WWTR1: variants seen among roughly 807,000 people sequenced by gnomAD.
WWTR1 encodes the protein WW domain containing transcription regulator 1.
A neutral mutation model predicts 40.1 loss-of-function variants in WWTR1; 13 were observed. The ratio of observed to expected loss-of-function variants is 0.32; its 90% confidence interval spans 0.21 to 0.52. The LOEUF (loss-of-function observed/expected upper bound fraction) is 0.52, where lower values mean the gene tolerates loss of function less well. Among genes scored for constraint, WWTR1 ranks in the 20% least tolerant of loss-of-function variants. The pLI is 0.97. For synonymous variants in WWTR1, 230 were observed against 210.1 expected, an observed-to-expected ratio of 1.09 and a Z score of -0.82; for missense variants, 436 against 523.1, an observed-to-expected ratio of 0.83 and a Z score of 1.63.
At chr3:149,632,857 A>G (rs539512058) in intron 2 of WWTR1, among the ~76,000 whole-genome samples, 7 of 152,314 alleles carry the variant, frequency 4.6e-5, no homozygotes, top group Admixed American at 3.9e-4. Context: ...AAACAAAGCT[A>G]CAGAGACATA....
Position 149,683,281 on chromosome 3 carries a change from A to C in WWTR1, c.-107-13390T>G, listed in dbSNP as rs373928686. On this transcript the variant is annotated intron_variant, in intron 1 of 7. Transcript: ENST00000465804. The stretch of plus-strand genomic sequence containing the variant: ...CATGGCTAGTAAATATTGAGGAATG[A>C]TATTAATGTATCCCTATTAGTGAGA... Among the ~76,000 whole-genome samples, 13 of 152,342 alleles carry C rather than the reference A, an allele frequency of 8.5e-5. No homozygotes were observed. The East Asian group carries it at 1.7e-3, about 20-fold the overall frequency.
intron 3 of WWTR1, among the ~76,000 whole-genome samples, chr3:149,546,238 G>A (rs1035204567): frequency 4.6e-5 from 7 of 152,206 alleles, no homozygotes; most frequent in Non-Finnish European, 1.0e-4. Flanking sequence ...CTGGAAAAGG[G>A]TGGAACTTAG....
rs1576588937 is a variant in WWTR1 at position 149,600,201 on chromosome 3, T to C, written c.432-27201A>G. Among the ~76,000 whole-genome samples, 4 of 152,310 alleles carry C rather than the reference T, an allele frequency of 2.6e-5. 1 individual carries two copies. Among genetic ancestry groups the C allele is most frequent in the Admixed American group, 2.6e-4 (4 of 15,302 alleles). ...TCCTTTCCGGACACCAAGGGACAAC[T>C]GTATATCACACAGTGTAATCAAATG... On this transcript the variant is annotated intron_variant, in intron 2 of 6. Transcript: ENST00000360632.
At chr3:149,706,779 G>A (rs573367098), upstream of WWTR1, among the ~76,000 whole-genome samples, 8 of 152,248 alleles carry the variant, frequency 5.3e-5, no homozygotes, top group East Asian at 1.5e-3. Context: ...AGAATATCTT[G>A]CTGAGCTGGC....
intron 2 of WWTR1, among the ~76,000 whole-genome samples, chr3:149,625,318 T>C (rs1740496788): frequency 6.6e-6 from 1 of 151,048 alleles, no homozygotes; most frequent in Non-Finnish European, 1.5e-5. Context: ...TTGGGTTTCA[T>C]CATGTTAGCC....
At chr3:149,623,716 A>G (rs1035156036) in intron 2 of WWTR1, among the ~76,000 whole-genome samples, 1 of 152,218 alleles carries the variant, frequency 6.6e-6, no homozygotes, top group African/African-American at 2.4e-5. Flanking sequence ...TTTCAGGGCT[A>G]ATCATCCACT....
chr3:149,640,039 A>C (rs1465827784), intron 2 of WWTR1, among the ~76,000 whole-genome samples: 1 of 151,848 alleles, frequency 6.6e-6, no homozygotes, highest in South Asian at 2.1e-4. Context: ...AGAAAGAAAG[A>C]AAAAGTACAG....
At chr3:149,591,157 C>A (rs1458292796) in intron 2 of WWTR1, among the ~76,000 whole-genome samples, 1 of 152,106 alleles carries the variant, frequency 6.6e-6, no homozygotes, top group Non-Finnish European at 1.5e-5. Context: ...AACATAAATA[C>A]AAAGCGGAAC....
At chr3:149,528,456 C>T (rs1437290474) in intron 4 of WWTR1, among the ~76,000 whole-genome samples, 2 of 152,174 alleles carry the variant, frequency 1.3e-5, no homozygotes, top group Non-Finnish European at 2.9e-5. Context: ...TTTATGTTTA[C>T]AGACAGGAAA....
At chr3:149,651,992 A>ATTTTTTTTTTTTTT (rs368845286) in intron 2 of WWTR1, among the ~76,000 whole-genome samples, 1,221 of 93,610 alleles carry the variant, frequency 0.013, no homozygotes, top group Non-Finnish European at 0.017. Context: ...CGCCCGGCTA[A>ATTTTTTTTTTTTTT]TTTTTTTTTT....
rs531049857 is a variant in WWTR1 at position 149,536,966 on chromosome 3, C to A, written c.771+5369G>T. On this transcript the variant is annotated intron_variant, in intron 4 of 6. Transcript: ENST00000360632. Reference sequence around the variant, plus strand: ...CCGTTATATTTAAATGAATAACACACATGAAAAGAAATACTCTCTTCAGGT... The same window carrying A: ...CCGTTATATTTAAATGAATAACACAAATGAAAAGAAATACTCTCTTCAGGT... 1.5e-4 allele frequency among the ~76,000 whole-genome samples: 23 copies of A among 152,190 alleles called. No homozygotes were observed. In the South Asian group the frequency reaches 4.4e-3, roughly 29 times the overall value.
intron 2 of WWTR1, among the ~76,000 whole-genome samples, chr3:149,592,909 C>A (rs983483525): frequency 1.3e-5 from 2 of 152,116 alleles, no homozygotes; most frequent in Non-Finnish European, 2.9e-5. Flanking sequence ...TACTTTCTAA[C>A]TTTAGCAAGT....
intron 3 of WWTR1, among the ~76,000 whole-genome samples, chr3:149,557,494 A>G (rs1229614032): frequency 1.3e-5 from 2 of 152,102 alleles, no homozygotes; most frequent in African/African-American, 4.8e-5. Flanking sequence ...ATTTCTCTTC[A>G]ACACCATGAA....
intron 6 of WWTR1, among the ~76,000 whole-genome samples, chr3:149,523,663 T>G (rs1056670725): frequency 2.0e-5 from 3 of 152,212 alleles, no homozygotes; most frequent in Non-Finnish European, 4.4e-5. Flanking sequence ...AGCCCAGCTG[T>G]TGCTGCCATG....
chr3:149,523,763 C>A (rs1735168120), intron 6 of WWTR1, among the ~76,000 whole-genome samples: 1 of 152,324 alleles, frequency 6.6e-6, no homozygotes, highest in Non-Finnish European at 1.5e-5. Flanking sequence ...TCTTTTCTAG[C>A]CACACTTGAG....
chr3:149,673,211 GT>G (rs1375173755), intron 1 of WWTR1, among the ~76,000 whole-genome samples: 2 of 151,894 alleles, frequency 1.3e-5, no homozygotes, highest in Non-Finnish European at 2.9e-5. Context: ...CCCTGTCTCT[GT>G]TTTTTAAAAA....
chr3:149,645,923 G>A (rs1166029894), intron 2 of WWTR1, among the ~76,000 whole-genome samples: 1 of 152,084 alleles, frequency 6.6e-6, no homozygotes, highest in Non-Finnish European at 1.5e-5. Flanking sequence ...TTGGATTTTT[G>A]TACAGTGTTC....
chr3:149,664,881 G>A (rs1410757306), intron 2 of WWTR1, among the ~76,000 whole-genome samples: 2 of 151,938 alleles, frequency 1.3e-5, no homozygotes, highest in South Asian at 2.1e-4. Context: ...GAACCACCGC[G>A]CCCGGCCAGA....
Position 149,518,123 on chromosome 3 carries a change from G to C in WWTR1, c.*2682C>G, listed in dbSNP as rs1293181519. 1 of 151,880 alleles carries C rather than the reference G, an allele frequency of 6.6e-6. No homozygotes were observed. The highest frequency in any genetic ancestry group is 1.5e-5 in the Non-Finnish European group (1 of 67,964). 9.4% of individuals were successfully genotyped at this position (151,880 alleles called of 1,614,324 possible). ...TCTTTAACAAAGGCCATATTTTGTGGCCTTAAAAACAAAAAATTATATCTG... is the reference window on the plus strand; with the variant it reads ...TCTTTAACAAAGGCCATATTTTGTGCCCTTAAAAACAAAAAATTATATCTG... On this transcript the variant is annotated 3_prime_UTR_variant, in exon 7 of 7. Coordinates refer to ENST00000360632, the MANE Select transcript of WWTR1 (RefSeq NM_015472.6).
Sources: allele counts gnomAD v4.1 joint callset (sites outside exome capture counted in the v4.1 genomes callset), GRCh38; gene constraint gnomAD v4.1.1; transcripts MANE v1.5; gene names NCBI Gene and HGNC (gene_info 2026-07-23, HGNC 2026-07-21).